The following ODAD1 variants were observed in gnomAD, a reference collection of about 807,000 sequenced individuals.
ODAD1 encodes the protein outer dynein arm-docking complex subunit 1.
In ODAD1, 49 loss-of-function variants were observed where a neutral mutation model predicts 67.2. The observed-to-expected ratio is 0.73, with a 90% CI of 0.58 to 0.92. The LOEUF (loss-of-function observed/expected upper bound fraction) is 0.92. Among genes scored for constraint, ODAD1 ranks in the 40% least tolerant of loss-of-function variants. The pLI is 0.00. For synonymous variants in ODAD1, 345 were observed against 393.7 expected (o/e 0.88, Z 1.46); for missense variants, 897 against 953.7 (o/e 0.94, Z 0.78).
intron 7 of ODAD1, among the ~76,000 whole-genome samples, chr19:48,309,100 G>A (rs546997641): frequency 1.1e-4 from 17 of 152,180 alleles, no homozygotes; most frequent in African/African-American, 2.9e-4. Flanking sequence ...TCCCCACCCC[G>A]ATCCCTGCAG....
chr19:48,317,959 G>C (rs1393991076), intron 5 of ODAD1, among the ~76,000 whole-genome samples: 3 of 152,066 alleles, frequency 2.0e-5, no homozygotes, highest in African/African-American at 7.2e-5. Flanking sequence ...TGTAGTCCCA[G>C]CTACTCGGGA....
At chr19:48,303,167 G>C in intron 10 of ODAD1, 72 bp from the exon 11 acceptor site, 1 of 1,186,342 alleles carries the variant, frequency 8.4e-7, no homozygotes, top group South Asian at 1.2e-5. Context: ...AACAGAGACA[G>C]AGAGGCATAC....
At chr19:48,315,374 G>A (rs749962896) in intron 5 of ODAD1, among the ~76,000 whole-genome samples, 4 of 152,022 alleles carry the variant, frequency 2.6e-5, no homozygotes, top group Non-Finnish European at 4.4e-5. Context: ...GCGAAACCCC[G>A]TCTCTACTAA....
chr19:48,309,718 G>C (rs187405928), intron 7 of ODAD1, among the ~76,000 whole-genome samples: 36 of 152,284 alleles, frequency 2.4e-4, no homozygotes, highest in Admixed American at 2.2e-3. Context: ...GGTGTGTCAG[G>C]GGACAAGATA....
rs922106720 is a variant in ODAD1, at chr19:48,320,195, G to A, written c.70+104C>T. ...CGCATGTCTGTTCCCACCAGAGGGC[G>A]CTCCTGGACAGACACTCTCCCTCCC... On this transcript the variant is annotated intron_variant, in intron 3 of 15. Transcript: ENST00000674294. 9 of 880,588 alleles carry A rather than the reference G, an allele frequency of 1.0e-5. No homozygotes were observed. The Admixed American group carries it at 2.0e-4, about 19-fold the overall frequency. The allele number at this position is 880,588 out of a possible 1,614,324, so 54.5% of individuals were successfully genotyped here. A position where few individuals can be genotyped will look rare whatever the true frequency, so the allele number is the denominator to read the frequency against.
chr19:48,319,988 G>T (rs763276891), intron 3 of ODAD1: 81 of 1,004,628 alleles, frequency 8.1e-5, no homozygotes, highest in Non-Finnish European at 9.2e-5. Flanking sequence ...CCAAGGTTGA[G>T]AAAGCCTACT....
chr19:48,309,325 T>C (rs1181088675), intron 7 of ODAD1, among the ~76,000 whole-genome samples: 1 of 151,846 alleles, frequency 6.6e-6, no homozygotes, highest in Non-Finnish European at 1.5e-5. Context: ...GCAAAATGAG[T>C]GGGGACTTGC....
In ODAD1 at chr19:48,306,253, T is replaced by C; in HGVS notation, c.665+3A>G. 1 of 1,551,520 alleles carries C rather than the reference T, an allele frequency of 6.4e-7. No individual in the cohort carries two copies. The highest frequency in any genetic ancestry group is 8.7e-7 in the Non-Finnish European group (1 of 1,146,872). ...GCCATCCCAGGATACCCGCAGTCTC[T>C]ACCTGACGGCGTAGGCAGAGGTGGA... is the stretch of plus-strand genomic sequence containing the variant. On this transcript the variant is annotated splice_donor_region_variant and intron_variant, in intron 8 of 15. Transcript: ENST00000674294.
chr19:48,307,707 C>A (rs1044477396), intron 7 of ODAD1, among the ~76,000 whole-genome samples: 4 of 150,976 alleles, frequency 2.6e-5, no homozygotes, highest in Non-Finnish European at 5.9e-5. Context: ...CCCAGCTACT[C>A]GGGAGGCTGA....
Position 48,297,459 on chromosome 19 carries a change from CGCGGCGGCG to C in ODAD1, c.1632_1640del (p.Ala545_Ala547del). The C allele has an allele frequency of 6.2e-7, 1 of 1,601,128 alleles. No homozygotes were observed. The highest frequency in any genetic ancestry group is 1.1e-5 in the South Asian group (1 of 90,628). On this transcript the variant is annotated inframe_deletion, in exon 16 of 16. Transcript: ENST00000674294. ...CCACGCTCAGGGTGCCGTCCAGCTT[CGCGGCGGCG>C]GCGGCCAGGTCCTTCTGGCGCTGCG...
chr19:48,312,441 G>C (rs900158188), intron 5 of ODAD1, among the ~76,000 whole-genome samples: 8 of 113,644 alleles, frequency 7.0e-5, no homozygotes, highest in Admixed American at 5.7e-4. Context: ...TTGAGACAGA[G>C]TCTTGCTCTG....
In ODAD1 at chr19:48,302,718, C is replaced by A; in HGVS notation, c.1216G>T (p.Gly406Ter). The change falls in exon 12 of 16, where the codon GGA (glycine) becomes TGA (stop). Residue 406 changes from glycine (G) to a stop codon, truncating the protein, a stop_gained. Coordinates refer to ENST00000674294, the MANE Select transcript of ODAD1 (RefSeq NM_001364171.2). LOFTEE classifies it high-confidence loss of function. ...RLEARFQDVR[G>*]QLEKLKADIQ... ...CCAGCCTTGAGCTTCTCCAGCTGTC[C>A]CCGCACATCCTGGAAGCGGGCCTCA... is the stretch of plus-strand genomic sequence containing the variant. The A allele has an allele frequency of 6.2e-7, 1 of 1,611,980 alleles. No individual in the cohort carries two copies.
At position 48,306,336 on chromosome 19, in the gene ODAD1, G is replaced by A. The variant is rs1377403631; in HGVS notation, c.598-13C>T. ...GGTGGTGGATCTCCTGTGGGGGGAG[G>A]AGAAAAAAATCAGTGCCACTTCTTA... On this transcript the variant is annotated splice_polypyrimidine_tract_variant and intron_variant, in intron 7 of 15. Coordinates refer to ENST00000674294, the MANE Select transcript of ODAD1 (RefSeq NM_001364171.2). 13 of 1,550,404 alleles carry A rather than the reference G, an allele frequency of 8.4e-6. No homozygotes were observed. In the Admixed American group the frequency reaches 2.6e-4, roughly 30 times the overall value.
intron 1 of ODAD1, 31 bp downstream of exon 1, chr19:48,321,627 CGGGAGGTCGAAATGGTCCTG>C: frequency 2.6e-6 from 1 of 378,706 alleles, no homozygotes; most frequent in Non-Finnish European, 4.7e-6. Flanking sequence ...TGAAGGCCTG[CGGGAGGTCGAAATGGTCCTG>C]GGGAGGTCGA....
chr19:48,316,251 C>T (rs1211373191), intron 5 of ODAD1, among the ~76,000 whole-genome samples: 2 of 151,978 alleles, frequency 1.3e-5, no homozygotes, highest in Admixed American at 6.6e-5. Flanking sequence ...AGTGGTGGCA[C>T]ACACCTGTAA....
At chr19:48,308,170 C>T (rs376883554) in intron 7 of ODAD1, among the ~76,000 whole-genome samples, 2 of 151,636 alleles carry the variant, frequency 1.3e-5, no homozygotes, top group African/African-American at 4.8e-5. Flanking sequence ...AGAAGTGTTT[C>T]CTTTTTGCTT....
At position 48,298,306 on chromosome 19, in the gene ODAD1, G is replaced by A. The variant is rs35930441; in HGVS notation, c.1275C>T (p.Asp425=). ...CAAGGAGGTCATCGATCATGCTGCT[G>A]TCGCAATGGGCCTTGGTGAAGAGGA... ...IQLLFTKAHC[D]SSMIDDLLGV... Residue 425 remains aspartate, a synonymous_variant, in exon 13 of 16, where the codon GAC becomes GAT. Transcript: ENST00000674294. 1,705 of 1,614,196 alleles carry A rather than the reference G, an allele frequency of 1.1e-3. 15 individuals are homozygous for A. In the African/African-American group the frequency reaches 0.02, roughly 19 times the overall value.
rs370475371 is a variant in ODAD1, at chr19:48,297,499, G to A, written c.1601C>T (p.Ala534Val). 12 of 1,603,830 alleles carry A rather than the reference G, an allele frequency of 7.5e-6. No individual in the cohort carries two copies. The highest frequency in any genetic ancestry group is 1.7e-5 in the Admixed American group (1 of 58,816). Residue 534 changes from alanine to valine, a missense_variant, in exon 16 of 16, where the codon GCG becomes GTG. Coordinates refer to ENST00000674294, the MANE Select transcript of ODAD1 (RefSeq NM_001364171.2). ...VEKLVELQEQAEAQRQKDLAA... is the reference protein window; with the variant it reads ...VEKLVELQEQVEAQRQKDLAA... ...CAGGTCCTTCTGGCGCTGCGCCTCC[G>A]CCTGCTCCTGGAGCTCCACCTGCAG...
intron 10 of ODAD1, 167 bp downstream of exon 10, chr19:48,303,483 C>T (rs1968523173): frequency 1.3e-6 from 1 of 759,246 alleles, no homozygotes; most frequent in Non-Finnish European, 2.1e-6. Flanking sequence ...AGAGACAGGG[C>T]CACGGTAAGA....
Sources: allele counts gnomAD v4.1 joint callset (sites outside exome capture counted in the v4.1 genomes callset), GRCh38; gene constraint gnomAD v4.1.1; transcripts MANE v1.5; gene names NCBI Gene and HGNC (gene_info 2026-07-23, HGNC 2026-07-21).